The following SYTL3 variants were observed in gnomAD, a reference collection of about 807,000 sequenced individuals.
The protein encoded by SYTL3 is synaptotagmin like 3.
A neutral mutation model predicts 82.1 loss-of-function variants in SYTL3; 88 were observed. The ratio of observed to expected loss-of-function variants is 1.07; its 90% CI spans 0.90 to 1.28. SYTL3 has a LOEUF of 1.28. Among genes scored for constraint, SYTL3 ranks in the 50% most tolerant of loss-of-function variants. The pLI, the probability that SYTL3 is intolerant of heterozygous loss-of-function variation, is 0.00. For synonymous variants in SYTL3, 311 were observed against 289.4 expected (o/e 1.07, Z -0.76); for missense variants, 831 against 757.6 (o/e 1.10, Z -1.14).
intron 1 of SYTL3, among the ~76,000 whole-genome samples, chr6:158,651,485 G>A (rs979875482): frequency 1.3e-5 from 2 of 152,148 alleles, no homozygotes. Context: ...CTACTCAGGA[G>A]GCTGAGGCAG....
At chr6:158,648,624 A>G (rs1002055737), upstream of SYTL3, among the ~76,000 whole-genome samples, 1 of 151,120 alleles carries the variant, frequency 6.6e-6, no homozygotes, top group Non-Finnish European at 1.5e-5. Context: ...AATAATAATA[A>G]TATCCAGCAG....
At chr6:158,658,997 G>T (rs552833214) in intron 2 of SYTL3, among the ~76,000 whole-genome samples, 2 of 152,260 alleles carry the variant, frequency 1.3e-5, no homozygotes, top group African/African-American at 2.4e-5. Flanking sequence ...TAAACCATAG[G>T]GTTGGTTGAT....
At chr6:158,738,680 T>C (rs1786516971) in intron 11 of SYTL3, among the ~76,000 whole-genome samples, 2 of 152,180 alleles carry the variant, frequency 1.3e-5, no homozygotes, top group Admixed American at 1.3e-4. Flanking sequence ...TGTTTTGAGA[T>C]AGAGTCTCGC....
intron 5 of SYTL3, among the ~76,000 whole-genome samples, chr6:158,677,395 C>T (rs564562272): frequency 4.6e-5 from 7 of 151,994 alleles, no homozygotes; most frequent in African/African-American, 1.4e-4. Context: ...CATCACACAC[C>T]GGGGAATGTT....
At chr6:158,725,098 T>G (rs1784544495) in intron 10 of SYTL3, among the ~76,000 whole-genome samples, 1 of 150,004 alleles carries the variant, frequency 6.7e-6, no homozygotes, top group Non-Finnish European at 1.5e-5. Flanking sequence ...CATATTTTGA[T>G]TTTTCCCTTT....
chr6:158,730,171 T>C (rs1785222853), intron 11 of SYTL3, among the ~76,000 whole-genome samples: 1 of 152,254 alleles, frequency 6.6e-6, no homozygotes. Context: ...TTTTCCTTTG[T>C]TCTCTATTGC....
At chr6:158,756,889 T>G (rs2128541499) in intron 13 of SYTL3, among the ~76,000 whole-genome samples, 1 of 151,806 alleles carries the variant, frequency 6.6e-6, no homozygotes, top group Middle Eastern at 3.4e-3. Context: ...TTCATCCTTG[T>G]CTTGTTCTAG....
chr6:158,650,635 A>C (rs562707763), intron 1 of SYTL3, among the ~76,000 whole-genome samples: 1 of 152,284 alleles, frequency 6.6e-6, no homozygotes, highest in Non-Finnish European at 1.5e-5. Flanking sequence ...CACATTAGAT[A>C]TTAAAGATTT....
intron 13 of SYTL3, among the ~76,000 whole-genome samples, chr6:158,753,236 G>T (rs1459783940): frequency 6.6e-6 from 1 of 151,560 alleles, no homozygotes; most frequent in African/African-American, 2.4e-5. Context: ...TACCCACCAC[G>T]ATGGCCAGCA....
chr6:158,750,408 A>G (rs1185850225), intron 12 of SYTL3, among the ~76,000 whole-genome samples: 6 of 152,092 alleles, frequency 3.9e-5, no homozygotes. Flanking sequence ...GTATAGGTAT[A>G]TTTTATATAT....
chr6:158,744,300 C>CT (rs1787322577), intron 11 of SYTL3, among the ~76,000 whole-genome samples: 9 of 79,634 alleles, frequency 1.1e-4, no homozygotes, highest in Admixed American at 3.1e-4. Flanking sequence ...TTTTCTTTTT[C>CT]TTTCTTTTTT....
intron 11 of SYTL3, chr6:158,726,850 C>CTT (rs1200378161): frequency 8.0e-4 from 108 of 135,798 alleles, no homozygotes; most frequent in African/African-American, 1.3e-3. Flanking sequence ...GTTGAACTTT[C>CTT]TTTTTTTTTT....
chr6:158,725,954 C>A, intron 11 of SYTL3: 1 of 669,962 alleles, frequency 1.5e-6, no homozygotes. Context: ...GGCAGGAGGG[C>A]GCCGGTCAGC....
rs76893550 is a variant in SYTL3 at position 158,667,177 on chromosome 6, C to T, written c.329+1564C>T. On this transcript the variant is annotated intron_variant, in intron 5 of 17. Coordinates refer to ENST00000611299, the MANE Select transcript of SYTL3 (RefSeq NM_001242394.2). ...TCTTCTTCTACCAATGAACTGTAAACGAAAAATCAAAACAAGAGGACAAGG... is the reference window on the plus strand; with the variant it reads ...TCTTCTTCTACCAATGAACTGTAAATGAAAAATCAAAACAAGAGGACAAGG... Among the ~76,000 whole-genome samples the T allele has an allele frequency of 6.2e-3, 943 of 152,142 alleles. 16 individuals carry two copies. Among genetic ancestry groups the T allele is most frequent in the East Asian group, 0.029 (148 of 5,178 alleles).
intron 4 of SYTL3, 86 bp from the exon 5 acceptor site, chr6:158,665,309 T>C: frequency 7.8e-7 from 1 of 1,283,036 alleles, no homozygotes; most frequent in Non-Finnish European, 1.1e-6. Flanking sequence ...TCCCTTGCCA[T>C]GGGGGTTACT....
intron 11 of SYTL3, 145 bp downstream of exon 11, chr6:158,725,782 C>T: frequency 8.8e-7 from 1 of 1,142,030 alleles, no homozygotes; most frequent in South Asian, 1.5e-5. Flanking sequence ...TCCATCCTTC[C>T]ATTCCTTAAA....
chr6:158,702,156 A>AT (rs533697258), intron 6 of SYTL3, among the ~76,000 whole-genome samples: 2 of 151,306 alleles, frequency 1.3e-5, no homozygotes, highest in Admixed American at 6.6e-5. Flanking sequence ...CTCATTTAAA[A>AT]TTTTTTTTGT....
chr6:158,762,791 C>T (rs1232482794), intron 16 of SYTL3, among the ~76,000 whole-genome samples: 1 of 152,098 alleles, frequency 6.6e-6, no homozygotes, highest in Non-Finnish European at 1.5e-5. Context: ...GTGGCGGGCA[C>T]CTATAATCCT....
chr6:158,759,352 A>C (rs574653536), intron 14 of SYTL3, among the ~76,000 whole-genome samples: 1 of 151,468 alleles, frequency 6.6e-6, no homozygotes, highest in East Asian at 2.0e-4. Flanking sequence ...GGAGGCAGCC[A>C]TACCTCATTT....
Sources: gnomAD v4.1 joint callset for allele counts (sites outside exome capture counted in the v4.1 genomes callset) on GRCh38, gnomAD v4.1.1 for gene constraint, MANE v1.5 for transcripts, NCBI Gene and HGNC (gene_info 2026-07-23, HGNC 2026-07-21) for gene names.